The following SPHKAP variants were observed in gnomAD, a reference collection of about 807,000 sequenced individuals.
SPHKAP encodes the protein A-kinase anchor protein SPHKAP.
A neutral mutation model predicts 137.5 loss-of-function variants in SPHKAP; 67 were observed. The ratio of observed to expected loss-of-function variants is 0.49; its 90% confidence interval spans 0.40 to 0.60. SPHKAP has a LOEUF of 0.60. Ranked by LOEUF, SPHKAP falls within the 20% of genes least tolerant of loss-of-function variation. The pLI is 0.00. For synonymous variants in SPHKAP, 813 were observed against 785.3 expected (o/e 1.04, Z -0.59); for missense variants, 2,097 against 2,069.3 (o/e 1.01, Z -0.26).
chr2:228,165,368 G>A (rs1700392867), intron 1 of SPHKAP, among the ~76,000 whole-genome samples: 2 of 152,184 alleles, frequency 1.3e-5, no homozygotes, highest in African/African-American at 2.4e-5. Context: ...CCAAAGGGAA[G>A]AGAAGGGTAT....
chr2:228,057,822 C>A (rs1196814180), intron 3 of SPHKAP, among the ~76,000 whole-genome samples: 1 of 152,094 alleles, frequency 6.6e-6, no homozygotes, highest in Non-Finnish European at 1.5e-5. Context: ...ATTTGAAGAG[C>A]TTGTCTTTAT....
chr2:228,146,084 TTTC>T (rs1305793266), intron 1 of SPHKAP, among the ~76,000 whole-genome samples: 7 of 152,190 alleles, frequency 4.6e-5, no homozygotes, highest in Admixed American at 3.9e-4. Context: ...ATTGTTTGGT[TTTC>T]TTTTTTTTCA....
intron 3 of SPHKAP, among the ~76,000 whole-genome samples, chr2:228,057,295 GTGA>G (rs1696481098): frequency 2.0e-5 from 3 of 152,114 alleles, no homozygotes; most frequent in South Asian, 4.1e-4. Flanking sequence ...TATCATTGAA[GTGA>G]TGATATTTTT....
At position 228,147,024 on chromosome 2, in the gene SPHKAP, A is replaced by G. The variant is rs971732759; in HGVS notation, c.33-14939T>C. Among the ~76,000 whole-genome samples, 7 of 152,204 alleles carry G rather than the reference A, an allele frequency of 4.6e-5. No homozygotes were observed. In the East Asian group the frequency reaches 5.8e-4, roughly 13 times the overall value. ...AGATTGAAGGAAGGGGGATTTTCCA[A>G]TTTAGGTGGAGTTGAATTAAAATTG... On this transcript the variant is annotated intron_variant, in intron 1 of 11. Transcript: ENST00000392056.
At chr2:228,054,028 C>T (rs777888887) in intron 3 of SPHKAP, among the ~76,000 whole-genome samples, 2 of 152,166 alleles carry the variant, frequency 1.3e-5, no homozygotes, top group Non-Finnish European at 2.9e-5. Context: ...GGTGCCAGCT[C>T]TTAAGCTAAT....
chr2:228,031,678 G>A (rs1239450914), intron 3 of SPHKAP, among the ~76,000 whole-genome samples: 1 of 152,282 alleles, frequency 6.6e-6, no homozygotes, highest in East Asian at 1.9e-4. Context: ...ACTTCTAGAA[G>A]AACGATCAGG....
intron 1 of SPHKAP, among the ~76,000 whole-genome samples, chr2:228,138,218 C>T (rs902652539): frequency 1.3e-5 from 2 of 152,188 alleles, no homozygotes; most frequent in Non-Finnish European, 2.9e-5. Flanking sequence ...GCAAGAATCC[C>T]CTGCTGTTGA....
chr2:228,008,294 GT>G (rs200238267), intron 7 of SPHKAP, among the ~76,000 whole-genome samples: 3,902 of 137,336 alleles, frequency 0.028, 140 homozygotes, highest in African/African-American at 0.084. Flanking sequence ...TCTTCTAGGA[GT>G]TTTTTTTTTT....
At position 227,992,790 on chromosome 2, in the gene SPHKAP, G is replaced by T. The variant is rs993797313; in HGVS notation, c.4721+744C>A. On this transcript the variant is annotated intron_variant, in intron 9 of 11. Transcript: ENST00000392056. ...TTATAGATAGTGATTGAGAAAATAGGTCAGGGAACAACTTTAGCCTATACT... is the reference window on the plus strand; with the variant it reads ...TTATAGATAGTGATTGAGAAAATAGTTCAGGGAACAACTTTAGCCTATACT... Among the ~76,000 whole-genome samples the T allele has an allele frequency of 6.6e-5, 10 of 152,162 alleles. No individual in the cohort carries two copies. In the East Asian group the frequency reaches 1.9e-3, roughly 29 times the overall value.
In SPHKAP at chr2:227,981,814, C is replaced by G; in HGVS notation, c.5006G>C (p.Gly1669Ala). 6.2e-7 allele frequency: 1 copy of G among 1,613,762 alleles called. No homozygotes were observed. The highest frequency in any genetic ancestry group is 1.3e-5 in the African/African-American group (1 of 74,996). ...QLVHRKSWKV[G>A]DIFHAVVQYC... Reference sequence around the variant, plus strand: ...CTGGACAACTGCATGGAAGATATCACCCACTTTCCAGGACTTCCGATGAAC... The same window carrying G: ...CTGGACAACTGCATGGAAGATATCAGCCACTTTCCAGGACTTCCGATGAAC... Residue 1669 changes from glycine to alanine, a missense_variant, in exon 12 of 12, where the codon GGT becomes GCT. Gly to Ala is a moderately conservative substitution (Grantham distance 60, BLOSUM62 0). Transcript: ENST00000392056.
At chr2:228,151,093 C>A (rs1039395756) in intron 1 of SPHKAP, among the ~76,000 whole-genome samples, 2 of 143,310 alleles carry the variant, frequency 1.4e-5, no homozygotes, top group African/African-American at 5.1e-5. Flanking sequence ...CTCCCCCCAC[C>A]CCACCACAGT....
At chr2:228,055,675 G>C (rs1696413531) in intron 3 of SPHKAP, among the ~76,000 whole-genome samples, 1 of 152,198 alleles carries the variant, frequency 6.6e-6, no homozygotes, top group Non-Finnish European at 1.5e-5. Context: ...CTTAGAGAGT[G>C]CTATTGCATA....
chr2:228,052,325 T>C (rs1696286263), intron 3 of SPHKAP, among the ~76,000 whole-genome samples: 1 of 151,834 alleles, frequency 6.6e-6, no homozygotes, highest in African/African-American at 2.4e-5. Context: ...CATAAGAAAA[T>C]ATTTCAGATC....
At chr2:227,989,752 C>T (rs1454468119) in intron 11 of SPHKAP, among the ~76,000 whole-genome samples, 3 of 150,826 alleles carry the variant, frequency 2.0e-5, no homozygotes, top group African/African-American at 7.3e-5. Context: ...ATTACAGGTG[C>T]CTGCCACCAT....
At chr2:228,161,224 C>T (rs1281581033) in intron 1 of SPHKAP, among the ~76,000 whole-genome samples, 2 of 152,090 alleles carry the variant, frequency 1.3e-5, no homozygotes, top group Non-Finnish European at 2.9e-5. Flanking sequence ...GTAGGAATGA[C>T]TAAAAGTAGG....
At chr2:228,108,208 A>G (rs994543078) in intron 3 of SPHKAP, among the ~76,000 whole-genome samples, 1 of 152,216 alleles carries the variant, frequency 6.6e-6, no homozygotes, top group Non-Finnish European at 1.5e-5. Flanking sequence ...AATCAAAATG[A>G]AACATATAGT....
intron 2 of SPHKAP, among the ~76,000 whole-genome samples, chr2:228,115,884 A>C (rs1213623820): frequency 6.6e-6 from 1 of 152,164 alleles, no homozygotes; most frequent in South Asian, 2.1e-4. Context: ...TTAAGAGGTA[A>C]GGCCTTTGGG....
rs141158803 is a variant in SPHKAP, at chr2:228,076,661, G to C, written c.246+32171C>G. ...AGAAATTTCTAAGCAGCAAAGCATT[G>C]AAGAGGTGACTTGGGTACTGTTAAA... On this transcript the variant is annotated intron_variant, in intron 3 of 11. Coordinates refer to ENST00000392056, the MANE Select transcript of SPHKAP (RefSeq NM_001142644.2). 1.3e-3 allele frequency among the ~76,000 whole-genome samples: 203 copies of C among 152,290 alleles called. 4 individuals carry two copies. The highest frequency in any genetic ancestry group is 6.8e-3 in the Middle Eastern group (2 of 294).
In SPHKAP at chr2:228,079,313, C is replaced by T. The variant is rs988237410; in HGVS notation, c.246+29519G>A. On this transcript the variant is annotated intron_variant, in intron 3 of 11. Transcript: ENST00000392056. ...CGATAATGCTTGCTTGCCTGCCACT[C>T]ACCTCCTGTTGCATGGCCTGGTTCC... Among the ~76,000 whole-genome samples, 9 of 152,208 alleles carry T rather than the reference C, an allele frequency of 5.9e-5. No homozygotes were observed. The South Asian group carries it at 1.7e-3, about 28-fold the overall frequency.
Sources: allele counts gnomAD v4.1 joint callset (sites outside exome capture counted in the v4.1 genomes callset), GRCh38; gene constraint gnomAD v4.1.1; transcripts MANE v1.5; gene names NCBI Gene and HGNC (gene_info 2026-07-23, HGNC 2026-07-21).